The following SPATA33 variants were observed in gnomAD, a reference collection of about 807,000 sequenced individuals.
The protein encoded by SPATA33 is spermatogenesis-associated protein 33.
In SPATA33, 10 loss-of-function variants were observed where a neutral mutation model predicts 8.9. That is an observed-to-expected ratio of 1.12 (90% confidence interval 0.69 to 1.90). The LOEUF (loss-of-function observed/expected upper bound fraction) is 1.90, where lower values mean the gene tolerates loss of function less well. Among genes scored for constraint, SPATA33 ranks in the 40% most tolerant of loss-of-function variants. The probability of loss-of-function intolerance (pLI) is 0.00; values close to 1 mark genes in which losing one functional copy is unlikely to be tolerated. For synonymous variants in SPATA33, 96 were observed against 72.8 expected (o/e 1.32, Z -1.63); for missense variants, 241 against 178.3 (o/e 1.35, Z -2.00).
chr16:89,660,650 G>T, intron 2 of SPATA33: 2 of 928,982 alleles, frequency 2.2e-6, no homozygotes, highest in Non-Finnish European at 2.8e-6. Flanking sequence ...GACCACTCAT[G>T]TTGCAGTTCC....
chr16:89,667,488 G>A (rs986457409), intron 2 of SPATA33, among the ~76,000 whole-genome samples: 5 of 152,012 alleles, frequency 3.3e-5, no homozygotes, highest in Admixed American at 2.6e-4. Flanking sequence ...TCGTGCCCTC[G>A]GTCTCTTGCC....
In SPATA33 at chr16:89,658,308, A is replaced by G. The variant is rs1303448791; in HGVS notation, c.98A>G (p.Glu33Gly). Residue 33 changes from glutamate to glycine, a missense_variant, in exon 2 of 3, where the codon GAG becomes GGG. Glu to Gly is a moderately conservative substitution (Grantham distance 98, BLOSUM62 -2). Transcript: ENST00000579310. ...SVPKSKEKLM[E>G]KHSQEARQAD... ...CCAAAATCTAAGGAGAAGTTGATGGAGAAGCATTCCCAGGAAGCCAGGCAG... is the reference window on the plus strand; with the variant it reads ...CCAAAATCTAAGGAGAAGTTGATGGGGAAGCATTCCCAGGAAGCCAGGCAG... 1 of 1,614,036 alleles carries G rather than the reference A, an allele frequency of 6.2e-7. No individual in the cohort carries two copies. Among genetic ancestry groups the G allele is most frequent in the African/African-American group, 1.3e-5 (1 of 74,946 alleles).
chr16:89,666,822 G>A (rs1023618255), intron 2 of SPATA33, among the ~76,000 whole-genome samples: 1 of 152,164 alleles, frequency 6.6e-6, no homozygotes, highest in African/African-American at 2.4e-5. Context: ...GGCAGCCAAG[G>A]CAGAGAGAGA....
intron 2 of SPATA33, among the ~76,000 whole-genome samples, chr16:89,666,845 A>G (rs963084102): frequency 3.3e-5 from 5 of 152,174 alleles, no homozygotes; most frequent in African/African-American, 1.2e-4. Flanking sequence ...AGACAGAGAG[A>G]CAGCTTACGC....
At chr16:89,664,134 A>G (rs1293074825) in intron 2 of SPATA33, among the ~76,000 whole-genome samples, 1 of 152,194 alleles carries the variant, frequency 6.6e-6, no homozygotes, top group African/African-American at 2.4e-5. Flanking sequence ...CCTAGCAAGG[A>G]AAGACAGTAC....
In SPATA33 at chr16:89,660,380, A is replaced by T. The variant is rs1184845777; in HGVS notation, c.211+1959A>T. On this transcript the variant is annotated intron_variant, in intron 2 of 2. Transcript: ENST00000579310. The stretch of plus-strand genomic sequence containing the variant: ...GGAGTGGGCAGGACCTCTGCCAGTA[A>T]CGGAAGTGGGGGAAGGAGGACCGCC... The T allele has an allele frequency of 3.1e-6, 3 of 956,840 alleles. No homozygotes were observed. The African/African-American group carries it at 5.1e-5, about 16-fold the overall frequency. 59.3% of individuals were successfully genotyped at this position (956,840 alleles called of 1,614,324 possible).
intron 2 of SPATA33, among the ~76,000 whole-genome samples, chr16:89,664,376 C>T (rs1460800243): frequency 6.6e-6 from 1 of 152,096 alleles, no homozygotes; most frequent in East Asian, 1.9e-4. Flanking sequence ...ACGATCCCTG[C>T]CCCTGGGAAA....
At chr16:89,660,356 G>A in intron 2 of SPATA33, 2 of 654,224 alleles carry the variant, frequency 3.1e-6, no homozygotes, top group Non-Finnish European at 4.3e-6. Context: ...TGAAGCATGG[G>A]AGTGGGCAGG....
At chr16:89,665,204 AG>A (rs2151531630) in intron 2 of SPATA33, among the ~76,000 whole-genome samples, 1 of 152,294 alleles carries the variant, frequency 6.6e-6, no homozygotes, top group Non-Finnish European at 1.5e-5. Context: ...CATGTTGCCC[AG>A]GCTGGTCTCG....
chr16:89,668,640 G>T (rs1026710053), intron 2 of SPATA33, among the ~76,000 whole-genome samples: 2 of 150,592 alleles, frequency 1.3e-5, no homozygotes, highest in African/African-American at 4.9e-5. Flanking sequence ...GGCTGTGTCT[G>T]AGCTCGTAGC....
In SPATA33 at chr16:89,658,230, A is replaced by C. The variant is rs372397272; in HGVS notation, c.38-18A>C. On this transcript the variant is annotated intron_variant, in intron 1 of 2. Coordinates refer to ENST00000579310, the MANE Select transcript of SPATA33 (RefSeq NM_001271907.2). ...ATTCGGTAAGTCCCGGGTCTAACGG[A>C]TGATCCATATATTTCAGGTGAGGAG... 8.7e-6 allele frequency: 14 copies of C among 1,613,786 alleles called. No homozygotes were observed. Among genetic ancestry groups the C allele is most frequent in the Non-Finnish European group, 1.1e-5 (13 of 1,179,712 alleles).
In SPATA33 at chr16:89,658,281, T is replaced by C. The variant is rs115461151; in HGVS notation, c.71T>C (p.Val24Ala). The C allele has an allele frequency of 7.9e-5, 128 of 1,614,180 alleles. No individual in the cohort carries two copies. In the African/African-American group the frequency reaches 1.6e-3, roughly 20 times the overall value. ...EEQKKGSTYS[V>A]PKSKEKLMEK... is the part of the protein sequence containing the mutation. ...CAAAAGAAGGGATCCACCTATTCAG[T>C]TCCAAAATCTAAGGAGAAGTTGATG... Residue 24 changes from valine to alanine, a missense_variant, in exon 2 of 3, where the codon GTT (valine) becomes GCT (alanine). Val to Ala is a moderately conservative substitution (Grantham distance 64). Transcript: ENST00000579310.
At chr16:89,662,937 G>C (rs1244237119) in intron 2 of SPATA33, among the ~76,000 whole-genome samples, 1 of 151,930 alleles carries the variant, frequency 6.6e-6, no homozygotes, top group Non-Finnish European at 1.5e-5. Context: ...GAGACTACAG[G>C]TGTGCGCCAC....
At chr16:89,661,442 G>T (rs577906900) in intron 2 of SPATA33, 1 of 155,560 alleles carries the variant, frequency 6.4e-6, no homozygotes, top group Non-Finnish European at 1.4e-5. Context: ...ACCTTCCGCC[G>T]TGATTGTGAG....
chr16:89,661,956 C>T (rs1274204021), intron 2 of SPATA33, among the ~76,000 whole-genome samples: 1 of 152,128 alleles, frequency 6.6e-6, no homozygotes, highest in African/African-American at 2.4e-5. Flanking sequence ...AATAAATACA[C>T]TGCAACATTT....
In SPATA33 at chr16:89,658,291, T is replaced by G; in HGVS notation, c.81T>G (p.Ser27=). The change falls in exon 2 of 3, where the codon TCT becomes TCG. Residue 27 remains serine, a synonymous_variant. Coordinates refer to ENST00000579310, the MANE Select transcript of SPATA33 (RefSeq NM_001271907.2). ...GATCCACCTATTCAGTTCCAAAATC[T>G]AAGGAGAAGTTGATGGAGAAGCATT... The part of the protein sequence containing the change: ...KKGSTYSVPK[S]KEKLMEKHSQ... The G allele has an allele frequency of 6.2e-7, 1 of 1,614,152 alleles. No individual in the cohort carries two copies. The highest frequency in any genetic ancestry group is 8.5e-7 in the Non-Finnish European group (1 of 1,180,026).
chr16:89,665,275 G>A (rs529521386), intron 2 of SPATA33, among the ~76,000 whole-genome samples: 1 of 151,388 alleles, frequency 6.6e-6, no homozygotes, highest in South Asian at 2.1e-4. Context: ...GATTACAGGC[G>A]TGAGCCACCG....
chr16:89,665,047 G>A (rs137872571), intron 2 of SPATA33, among the ~76,000 whole-genome samples: 1 of 150,286 alleles, frequency 6.7e-6, no homozygotes, highest in African/African-American at 2.4e-5. Flanking sequence ...CCAGGCTGGA[G>A]TGCAGTGGCA....
intron 2 of SPATA33, among the ~76,000 whole-genome samples, chr16:89,666,770 T>C (rs1046306474): frequency 6.6e-6 from 1 of 152,144 alleles, no homozygotes; most frequent in Non-Finnish European, 1.5e-5. Context: ...GGTGAGGTCA[T>C]GTGGGTCATG....
Sources: gnomAD v4.1 joint callset for allele counts (sites outside exome capture counted in the v4.1 genomes callset) on GRCh38, gnomAD v4.1.1 for gene constraint, MANE v1.5 for transcripts, NCBI Gene and HGNC (gene_info 2026-07-23, HGNC 2026-07-21) for gene names.